Variants in RANBP17 observed in about 807,000 individuals in gnomAD.
RANBP17 encodes the protein RAN binding protein 17, also known as ran-binding protein 17.
In RANBP17, 158 loss-of-function variants were observed where a neutral mutation model predicts 141.2. That is an observed-to-expected ratio of 1.12 (90% CI 0.98 to 1.28). RANBP17 has a LOEUF of 1.28. RANBP17 is among the 50% of genes most tolerant of loss of function. The pLI is 0.00. For missense variants in RANBP17, 1,438 were observed against 1,290.7 expected, an observed-to-expected ratio of 1.11 and a Z score of -1.75; for synonymous variants, 430 against 450.0, an observed-to-expected ratio of 0.96 and a Z score of 0.56.
chr5:171,130,328 A>T (rs2127787998), intron 14 of RANBP17, among the ~76,000 whole-genome samples: 1 of 151,836 alleles, frequency 6.6e-6, no homozygotes, highest in African/African-American at 2.4e-5. Flanking sequence ...AATGTCATTC[A>T]TCATTTTCAT....
At chr5:170,869,759 T>C (rs1170763419) in intron 1 of RANBP17, among the ~76,000 whole-genome samples, 2 of 152,116 alleles carry the variant, frequency 1.3e-5, no homozygotes, top group African/African-American at 4.8e-5. Flanking sequence ...AGATTCTTAA[T>C]TAAGGATTTG....
intron 25 of RANBP17, among the ~76,000 whole-genome samples, chr5:171,278,614 A>G (rs547825932): frequency 6.6e-6 from 1 of 152,316 alleles, no homozygotes; most frequent in Non-Finnish European, 1.5e-5. Context: ...AGAAATAGCC[A>G]GTCCTAGAGG....
chr5:171,071,653 C>CAAAAAAAAAAAA (rs34555837), intron 14 of RANBP17, among the ~76,000 whole-genome samples: 4 of 69,618 alleles, frequency 5.7e-5, no homozygotes, highest in Admixed American at 2.0e-4. Flanking sequence ...CAGCTTTATG[C>CAAAAAAAAAAAA]AAAAAAAAAA....
At chr5:171,201,486 C>T (rs887384675) in intron 19 of RANBP17, among the ~76,000 whole-genome samples, 1 of 152,230 alleles carries the variant, frequency 6.6e-6, no homozygotes, top group Non-Finnish European at 1.5e-5. Context: ...GCACTCCGTG[C>T]TTCCGTCCTA....
At chr5:171,046,257 T>C (rs1055034692) in intron 14 of RANBP17, among the ~76,000 whole-genome samples, 4 of 147,984 alleles carry the variant, frequency 2.7e-5, no homozygotes, top group Non-Finnish European at 5.9e-5. Context: ...CAGGCTGGAA[T>C]GAGTGCAGTG....
chr5:170,995,002 G>A (rs1049584163), intron 14 of RANBP17, among the ~76,000 whole-genome samples: 2 of 151,880 alleles, frequency 1.3e-5, no homozygotes, highest in Admixed American at 6.6e-5. Flanking sequence ...CCTATTCAAG[G>A]CCTATAAAGA....
intron 14 of RANBP17, among the ~76,000 whole-genome samples, chr5:171,022,258 G>C (rs1561996677): frequency 6.6e-6 from 1 of 152,188 alleles, no homozygotes; most frequent in Non-Finnish European, 1.5e-5. Flanking sequence ...CCCTGTTGGA[G>C]GGACTCACCC....
chr5:171,133,723 T>G (rs148780618), intron 14 of RANBP17, among the ~76,000 whole-genome samples: 103 of 152,350 alleles, frequency 6.8e-4, no homozygotes, highest in African/African-American at 2.4e-3. Flanking sequence ...AGTTACTGTA[T>G]TTCTTTGTGC....
intron 14 of RANBP17, among the ~76,000 whole-genome samples, chr5:171,154,144 A>C (rs1390058321): frequency 6.6e-6 from 1 of 151,276 alleles, no homozygotes; most frequent in Non-Finnish European, 1.5e-5. Context: ...GGTTGAGGAC[A>C]AAGTGAATAT....
intron 14 of RANBP17, among the ~76,000 whole-genome samples, chr5:171,062,059 A>C (rs537442234): frequency 1.3e-5 from 2 of 151,540 alleles, no homozygotes; most frequent in East Asian, 1.9e-4. Context: ...GTGTCTCTGC[A>C]TGTGAGATGG....
chr5:171,174,050 C>T (rs1164186350), intron 16 of RANBP17, among the ~76,000 whole-genome samples: 3 of 152,020 alleles, frequency 2.0e-5, no homozygotes, highest in Non-Finnish European at 4.4e-5. Flanking sequence ...TGCATTTTAC[C>T]CCAGAATTGC....
intron 14 of RANBP17, among the ~76,000 whole-genome samples, chr5:171,169,847 GA>G (rs536105107): frequency 9.3e-4 from 132 of 142,678 alleles, no homozygotes; most frequent in Middle Eastern, 7.0e-3. Context: ...ACCACTTTGA[GA>G]AAAAAAAAAA....
At position 170,981,925 on chromosome 5, in the gene RANBP17, C is replaced by G. The variant is rs150125468; in HGVS notation, c.1710+13548C>G. Reference sequence around the variant, plus strand: ...TTGAATGCTGCAGTTCGGGGTGTGGCTAAAAATAGGATAACTGATTTAATT... The same window carrying G: ...TTGAATGCTGCAGTTCGGGGTGTGGGTAAAAATAGGATAACTGATTTAATT... On this transcript the variant is annotated intron_variant, in intron 14 of 27. Coordinates refer to ENST00000523189, the MANE Select transcript of RANBP17 (RefSeq NM_022897.5). 1.1e-4 allele frequency among the ~76,000 whole-genome samples: 16 copies of G among 152,222 alleles called. No individual in the cohort carries two copies. In the East Asian group the frequency reaches 2.7e-3, roughly 26 times the overall value.
intron 24 of RANBP17, chr5:171,252,798 T>C: frequency 8.1e-7 from 1 of 1,231,412 alleles, no homozygotes; most frequent in Non-Finnish European, 1.2e-6. Flanking sequence ...GCAGCCTCAT[T>C]GTCAGCATTG....
chr5:171,025,037 T>A (rs1182782839), intron 14 of RANBP17, among the ~76,000 whole-genome samples: 1 of 152,214 alleles, frequency 6.6e-6, no homozygotes, highest in Non-Finnish European at 1.5e-5. Context: ...CATCTATTGC[T>A]TATGTCAGTA....
Position 171,184,414 on chromosome 5 carries a change from T to C in RANBP17, c.2038+984T>C, listed in dbSNP as rs201607095. ...CAAATACTATATGATATCACTCATATGTGAAATCTAAAAAAGTTGATCTCA... is the reference window on the plus strand; with the variant it reads ...CAAATACTATATGATATCACTCATACGTGAAATCTAAAAAAGTTGATCTCA... On this transcript the variant is annotated intron_variant, in intron 18 of 27. Coordinates refer to ENST00000523189, the MANE Select transcript of RANBP17 (RefSeq NM_022897.5). 1.1e-4 allele frequency among the ~76,000 whole-genome samples: 17 copies of C among 152,274 alleles called. 1 individual carries two copies. In the East Asian group the frequency reaches 3.1e-3, roughly 28 times the overall value.
chr5:170,936,009 C>G (rs1270531684), intron 12 of RANBP17, among the ~76,000 whole-genome samples: 1 of 152,204 alleles, frequency 6.6e-6, no homozygotes, highest in Non-Finnish European at 1.5e-5. Context: ...AGCCCCTTCC[C>G]CAGCCTCGCT....
chr5:171,249,888 C>T (rs1308994312), intron 24 of RANBP17, among the ~76,000 whole-genome samples: 1 of 152,172 alleles, frequency 6.6e-6, no homozygotes, highest in African/African-American at 2.4e-5. Flanking sequence ...GAAATGTAGA[C>T]ATTCACATAC....
intron 20 of RANBP17, among the ~76,000 whole-genome samples, chr5:171,213,328 C>G (rs1263368214): frequency 6.6e-6 from 1 of 151,966 alleles, no homozygotes; most frequent in Non-Finnish European, 1.5e-5. Context: ...AAATGTACTG[C>G]TTATATGATA....
Sources: allele counts gnomAD v4.1 joint callset (sites outside exome capture counted in the v4.1 genomes callset), GRCh38; gene constraint gnomAD v4.1.1; transcripts MANE v1.5; gene names NCBI Gene and HGNC (gene_info 2026-07-23, HGNC 2026-07-21).